Variants in CHST11 observed in about 807,000 individuals in gnomAD.
CHST11 encodes carbohydrate sulfotransferase 11, also known as C4S-1.
Under a neutral mutation model 30.4 loss-of-function variants are expected in CHST11, and 9 were observed. The observed-to-expected ratio is 0.30, with a 90% CI of 0.18 to 0.52. The LOEUF (loss-of-function observed/expected upper bound fraction) is 0.52. CHST11 is among the 20% of genes least tolerant of loss of function. The probability of loss-of-function intolerance (pLI) is 0.97; values close to 1 mark genes in which losing one functional copy is unlikely to be tolerated. For missense variants in CHST11, 348 were observed against 460.6 expected, an observed-to-expected ratio of 0.76 and a Z score of 2.24; for synonymous variants, 152 against 187.8, an observed-to-expected ratio of 0.81 and a Z score of 1.56.
chr12:104,514,181 A>G (rs896393572), intron 1 of CHST11: 6 of 946,908 alleles, frequency 6.3e-6, no homozygotes, highest in African/African-American at 4.8e-5. Flanking sequence ...AGGTGGCCAC[A>G]TAGGAGTTCC....
At chr12:104,525,179 C>T (rs2038112999) in intron 1 of CHST11, among the ~76,000 whole-genome samples, 1 of 150,894 alleles carries the variant, frequency 6.6e-6, no homozygotes, top group African/African-American at 2.4e-5. Flanking sequence ...TAGTTCACAG[C>T]AGCCTTCAAC....
intron 1 of CHST11, among the ~76,000 whole-genome samples, chr12:104,461,206 G>T (rs2037404698): frequency 6.6e-6 from 1 of 152,180 alleles, no homozygotes; most frequent in African/African-American, 2.4e-5. Flanking sequence ...TTTGCAGCCC[G>T]TGAGGTGTAG....
At chr12:104,473,915 T>C (rs991239307) in intron 1 of CHST11, among the ~76,000 whole-genome samples, 5 of 151,466 alleles carry the variant, frequency 3.3e-5, no homozygotes, top group African/African-American at 1.2e-4. Context: ...ATCACCATCA[T>C]CACCACCACC....
intron 1 of CHST11, among the ~76,000 whole-genome samples, chr12:104,551,798 G>A (rs538002568): frequency 2.0e-5 from 3 of 152,206 alleles, no homozygotes; most frequent in South Asian, 2.1e-4. Context: ...GAAGGAGACC[G>A]AGGTTGGGCG....
At chr12:104,497,508 T>C (rs992070353) in intron 1 of CHST11, among the ~76,000 whole-genome samples, 10 of 152,332 alleles carry the variant, frequency 6.6e-5, no homozygotes, top group African/African-American at 2.4e-4. Flanking sequence ...CTGTGGTATT[T>C]TGTTATGGCA....
chr12:104,483,791 A>G (rs1263690459), intron 1 of CHST11, among the ~76,000 whole-genome samples: 4 of 152,220 alleles, frequency 2.6e-5, no homozygotes, highest in Admixed American at 1.3e-4. Flanking sequence ...TGAAAGGAAC[A>G]GATGAGTAGA....
At chr12:104,583,016 T>C (rs1484290699) in intron 1 of CHST11, among the ~76,000 whole-genome samples, 2 of 152,094 alleles carry the variant, frequency 1.3e-5, no homozygotes, top group Admixed American at 6.5e-5. Flanking sequence ...TTACAGCTTT[T>C]TAATTTGCCT....
chr12:104,522,465 C>T (rs1214315393), intron 1 of CHST11, among the ~76,000 whole-genome samples: 2 of 152,224 alleles, frequency 1.3e-5, no homozygotes, highest in Non-Finnish European at 2.9e-5. Flanking sequence ...GATGTATTTA[C>T]GTGTATTGGT....
At chr12:104,586,626 G>T (rs989528855) in intron 1 of CHST11, among the ~76,000 whole-genome samples, 3 of 152,268 alleles carry the variant, frequency 2.0e-5, no homozygotes, top group Non-Finnish European at 4.4e-5. Flanking sequence ...TGTCCAGGTT[G>T]TAAAATCAGA....
At chr12:104,574,736 A>T (rs2038664738) in intron 1 of CHST11, among the ~76,000 whole-genome samples, 2 of 152,248 alleles carry the variant, frequency 1.3e-5, no homozygotes, top group South Asian at 2.1e-4. Context: ...GAGGGATAGC[A>T]TTAGGAGATA....
At chr12:104,468,340 C>T (rs1054920616) in intron 1 of CHST11, among the ~76,000 whole-genome samples, 3 of 152,102 alleles carry the variant, frequency 2.0e-5, no homozygotes, top group Non-Finnish European at 4.4e-5. Flanking sequence ...ATAGATTACT[C>T]CCCCATGGGA....
chr12:104,750,428 CTTTTTTTTT>C (rs10659007), intron 2 of CHST11, among the ~76,000 whole-genome samples: 958 of 48,810 alleles, frequency 0.02, 10 homozygotes, highest in African/African-American at 0.071. Context: ...TATTTCTGCA[CTTTTTTTTT>C]TTTTTTTTTT....
chr12:104,526,319 T>A (rs760398071), intron 1 of CHST11, among the ~76,000 whole-genome samples: 29 of 152,208 alleles, frequency 1.9e-4, no homozygotes, highest in Non-Finnish European at 3.2e-4. Context: ...GAGGCCTTGA[T>A]CCTTTTTAAA....
At position 104,478,122 on chromosome 12, in the gene CHST11, A is replaced by C. The variant is rs79894081; in HGVS notation, c.118+20593A>C. 7.4e-4 allele frequency among the ~76,000 whole-genome samples: 112 copies of C among 152,110 alleles called. 1 individual carries two copies. Among genetic ancestry groups the C allele is most frequent in the African/African-American group, 2.7e-3 (110 of 41,480 alleles). ...AGACAGGGAGAGAAAAACCAAAGCA[A>C]ACCCATAACTCAAACTGTATCTTTC... On this transcript the variant is annotated intron_variant, in intron 1 of 2. Transcript: ENST00000303694.
At chr12:104,644,318 C>T (rs576846372) in intron 2 of CHST11, among the ~76,000 whole-genome samples, 14 of 152,334 alleles carry the variant, frequency 9.2e-5, no homozygotes, top group African/African-American at 2.2e-4. Context: ...GACTCTCCAC[C>T]GCTTATGATT....
In CHST11 at chr12:104,757,934, A is replaced by G; in HGVS notation, c.*131A>G. ...GGATGATGCTGCGAGCAGCATAGTG[A>G]GAATTATTTAAAATCCTTCGTAGGG... is the stretch of plus-strand genomic sequence containing the variant. On this transcript the variant is annotated 3_prime_UTR_variant, in exon 3 of 3. Transcript: ENST00000303694. This position sits in a 1 kb window ranked among gnomAD's most constrained non-coding sequence, Gnocchi z 6.5. 9.9e-7 allele frequency: 1 copy of G among 1,013,604 alleles called. No individual in the cohort carries two copies. Among genetic ancestry groups the G allele is most frequent in the East Asian group, 2.6e-5 (1 of 38,388 alleles). 62.8% of individuals were successfully genotyped at this position (1,013,604 alleles called of 1,614,324 possible).
At chr12:104,464,662 A>G (rs1302218225) in intron 1 of CHST11, among the ~76,000 whole-genome samples, 2 of 152,140 alleles carry the variant, frequency 1.3e-5, no homozygotes, top group Non-Finnish European at 2.9e-5. Context: ...TGTGCCACAC[A>G]CCCAGTCCCA....
At chr12:104,664,740 G>T (rs1056641017) in intron 2 of CHST11, among the ~76,000 whole-genome samples, 7 of 152,174 alleles carry the variant, frequency 4.6e-5, no homozygotes, top group Non-Finnish European at 8.8e-5. Flanking sequence ...GACTACCATA[G>T]ATTTATAAGG....
At chr12:104,716,168 A>G (rs1259748670) in intron 2 of CHST11, among the ~76,000 whole-genome samples, 1 of 152,218 alleles carries the variant, frequency 6.6e-6, no homozygotes, top group Non-Finnish European at 1.5e-5. Flanking sequence ...CCCAGAGCCA[A>G]TGTCGCAGAC....
Sources: gnomAD v4.1 joint callset for allele counts (sites outside exome capture counted in the v4.1 genomes callset) on GRCh38, gnomAD v4.1.1 for gene constraint, Gnocchi (gnomAD v3.1) non-coding constraint, MANE v1.5 for transcripts, NCBI Gene and HGNC (gene_info 2026-07-23, HGNC 2026-07-21) for gene names.